POU6F2: variants seen among roughly 807,000 people sequenced by gnomAD.
POU6F2 encodes the protein POU domain, class 6, transcription factor 2.
A neutral mutation model predicts 71.3 loss-of-function variants in POU6F2; 31 were observed. The observed-to-expected ratio is 0.43, with a 90% CI of 0.33 to 0.59. POU6F2 has a LOEUF of 0.59. POU6F2 is among the 20% of genes least tolerant of loss of function. The pLI is 0.04. For missense variants in POU6F2, 783 were observed against 856.8 expected (o/e 0.91, Z 1.07); for synonymous variants, 347 against 355.7 (o/e 0.98, Z 0.27).
intron 1 of POU6F2, among the ~76,000 whole-genome samples, chr7:39,002,772 T>C (rs1788949628): frequency 6.6e-6 from 1 of 152,280 alleles, no homozygotes; most frequent in Admixed American, 6.5e-5. Context: ...GTTTTTCCCC[T>C]CCGGGGAATT....
chr7:39,366,360 A>G (rs1786500804), intron 5 of POU6F2, among the ~76,000 whole-genome samples: 1 of 152,044 alleles, frequency 6.6e-6, no homozygotes, highest in South Asian at 2.1e-4. Flanking sequence ...TATCACAAAC[A>G]CACACACACA....
intron 9 of POU6F2, among the ~76,000 whole-genome samples, chr7:39,462,199 G>A (rs1788965263): frequency 6.6e-6 from 1 of 152,172 alleles, no homozygotes; most frequent in South Asian, 2.1e-4. Context: ...CCCAGAGAGA[G>A]GTCAAAAAAG....
intron 8 of POU6F2, among the ~76,000 whole-genome samples, chr7:39,458,934 T>C (rs1034030358): frequency 6.6e-6 from 1 of 152,012 alleles, no homozygotes; most frequent in African/African-American, 2.4e-5. Context: ...CCTAGATGAA[T>C]CCTCCCTCCT....
rs1323827953 is a variant in POU6F2, at chr7:39,001,248, GGCC to G, written c.105+23191_105+23193del. 7.8e-3 allele frequency among the ~76,000 whole-genome samples: 1,177 copies of G among 150,298 alleles called. 15 individuals are homozygous for G. Among genetic ancestry groups the G allele is most frequent in the African/African-American group, 0.028 (1,109 of 39,762 alleles). ...ACTAGAAAGATCATTCTTTGACACAGGCCATTTTGATTTTTTTTTTTGCATTGG... is the reference window on the plus strand; with the variant it reads ...ACTAGAAAGATCATTCTTTGACACAGATTTTGATTTTTTTTTTTGCATTGG... On this transcript the variant is annotated intron_variant, in intron 1 of 9. Coordinates refer to ENST00000518318, the MANE Select transcript of POU6F2 (RefSeq NM_001370959.1).
intron 1 of POU6F2, among the ~76,000 whole-genome samples, chr7:39,012,170 G>A (rs1290482205): frequency 1.3e-5 from 2 of 151,792 alleles, no homozygotes; most frequent in Admixed American, 6.6e-5. Flanking sequence ...CCAATCAGAC[G>A]TAGATTTGGT....
chr7:39,015,282 T>C (rs887506451), intron 1 of POU6F2, among the ~76,000 whole-genome samples: 11 of 133,322 alleles, frequency 8.3e-5, no homozygotes, highest in Admixed American at 2.4e-4. Context: ...GTATCTATTA[T>C]ATAGAGATAT....
intron 6 of POU6F2, 91 bp from the exon 7 acceptor site, chr7:39,432,986 C>A: frequency 7.6e-7 from 1 of 1,308,280 alleles, no homozygotes; most frequent in Non-Finnish European, 1.1e-6. Context: ...TCCCAGGGAG[C>A]ATCCTAGAGA....
intron 1 of POU6F2, among the ~76,000 whole-genome samples, chr7:39,078,958 C>T (rs1482160647): frequency 6.6e-6 from 1 of 152,116 alleles, no homozygotes; most frequent in Non-Finnish European, 1.5e-5. Context: ...CAGTACCCCA[C>T]AGCATCCCCT....
chr7:39,294,281 CA>C (rs973385716), intron 4 of POU6F2, among the ~76,000 whole-genome samples: 5 of 150,416 alleles, frequency 3.3e-5, no homozygotes, highest in Non-Finnish European at 5.9e-5. Context: ...AATTTGTTAA[CA>C]AGATGCATTC....
chr7:39,044,799 A>T (rs1317300120), intron 1 of POU6F2, among the ~76,000 whole-genome samples: 1 of 151,914 alleles, frequency 6.6e-6, no homozygotes, highest in Non-Finnish European at 1.5e-5. Flanking sequence ...AGAAGAAAAG[A>T]TATTTTTCCA....
chr7:39,268,689 T>C (rs1784293351), intron 4 of POU6F2, among the ~76,000 whole-genome samples: 1 of 152,214 alleles, frequency 6.6e-6, no homozygotes, highest in Admixed American at 6.5e-5. Flanking sequence ...GAAAAATCTT[T>C]CTATGATGAT....
intron 4 of POU6F2, among the ~76,000 whole-genome samples, chr7:39,286,201 C>A (rs1222205005): frequency 6.6e-6 from 1 of 152,098 alleles, no homozygotes; most frequent in Non-Finnish European, 1.5e-5. Context: ...TCCCACTTAC[C>A]AGCAAGATGG....
intron 4 of POU6F2, among the ~76,000 whole-genome samples, chr7:39,271,686 T>C (rs1784342957): frequency 6.6e-6 from 1 of 152,214 alleles, no homozygotes; most frequent in South Asian, 2.1e-4. Flanking sequence ...ACCTGCTCGA[T>C]GTGCCACAAC....
At chr7:39,308,986 A>C (rs1311925778) in intron 4 of POU6F2, among the ~76,000 whole-genome samples, 3 of 152,246 alleles carry the variant, frequency 2.0e-5, no homozygotes, top group Middle Eastern at 6.3e-3. Flanking sequence ...CCACACGCAG[A>C]GACACACGCC....
chr7:39,301,012 T>C (rs1436605038), intron 4 of POU6F2, among the ~76,000 whole-genome samples: 1 of 152,226 alleles, frequency 6.6e-6, no homozygotes, highest in Non-Finnish European at 1.5e-5. Flanking sequence ...CATTTGTGTT[T>C]TGAGGAAATG....
intron 4 of POU6F2, among the ~76,000 whole-genome samples, chr7:39,257,867 A>T (rs10085664): frequency 0.67 from 101,124 of 151,918 alleles, 34,058 homozygotes; most frequent in East Asian, 0.97. Flanking sequence ...CTTACTCTAC[A>T]TTTTTCCCCA....
intron 2 of POU6F2, among the ~76,000 whole-genome samples, chr7:39,192,690 T>C (rs1793693024): frequency 6.6e-6 from 1 of 152,208 alleles, no homozygotes; most frequent in East Asian, 1.9e-4. Context: ...AGGTTATTAC[T>C]GTGATTGAGA....
intron 2 of POU6F2, among the ~76,000 whole-genome samples, chr7:39,103,054 C>A (rs1026837207): frequency 1.3e-5 from 2 of 152,150 alleles, no homozygotes; most frequent in Non-Finnish European, 2.9e-5. Context: ...AGATAAAGTG[C>A]CTTTTCACAT....
intron 5 of POU6F2, among the ~76,000 whole-genome samples, chr7:39,404,012 A>G (rs913139854): frequency 2.6e-5 from 4 of 152,256 alleles, no homozygotes; most frequent in Non-Finnish European, 5.9e-5. Flanking sequence ...GAATGACGGT[A>G]GGAAGTAAAA....
Sources: allele counts gnomAD v4.1 joint callset (sites outside exome capture counted in the v4.1 genomes callset), GRCh38; gene constraint gnomAD v4.1.1; transcripts MANE v1.5; gene names NCBI Gene and HGNC (gene_info 2026-07-23, HGNC 2026-07-21).